The following KCNH5 variants were observed in gnomAD, a reference collection of about 807,000 sequenced individuals.
KCNH5 encodes the protein potassium voltage-gated channel subfamily H member 5.
Under a neutral mutation model 96.1 loss-of-function variants are expected in KCNH5, and 46 were observed. The ratio of observed to expected loss-of-function variants is 0.48; its 90% CI spans 0.38 to 0.61. KCNH5 has a LOEUF of 0.61. Ranked by LOEUF, KCNH5 falls within the 20% of genes least tolerant of loss-of-function variation. The probability of loss-of-function intolerance (pLI) is 0.00; values close to 1 mark genes in which losing one functional copy is unlikely to be tolerated. For synonymous variants in KCNH5, 439 were observed against 449.8 expected (o/e 0.98, Z 0.30); for missense variants, 907 against 1,225.8 (o/e 0.74, Z 3.88).
chr14:62,966,121 T>C (rs1322123781), intron 6 of KCNH5, among the ~76,000 whole-genome samples: 1 of 152,152 alleles, frequency 6.6e-6, no homozygotes, highest in Non-Finnish European at 1.5e-5. Flanking sequence ...AGATGACTGA[T>C]TTTTCCTGAC....
intron 9 of KCNH5, among the ~76,000 whole-genome samples, chr14:62,801,497 CA>C (rs1886659211): frequency 1.5e-5 from 2 of 135,320 alleles, no homozygotes; most frequent in African/African-American, 2.7e-5. Flanking sequence ...GGTCATTTGG[CA>C]ATTTTTTTTT....
chr14:62,949,301 C>T (rs886224610), intron 7 of KCNH5, among the ~76,000 whole-genome samples: 18 of 152,326 alleles, frequency 1.2e-4, no homozygotes, highest in African/African-American at 3.8e-4. Flanking sequence ...TGATAAGCAA[C>T]TTCAGCAAAG....
intron 10 of KCNH5, among the ~76,000 whole-genome samples, chr14:62,770,206 C>T (rs923915254): frequency 1.3e-5 from 2 of 152,204 alleles, no homozygotes; most frequent in South Asian, 4.1e-4. Flanking sequence ...ATCTGCGACA[C>T]ATGTACACCA....
At chr14:62,946,799 C>T (rs963683492) in intron 7 of KCNH5, among the ~76,000 whole-genome samples, 5 of 152,070 alleles carry the variant, frequency 3.3e-5, no homozygotes, top group African/African-American at 1.2e-4. Context: ...GGGCATTATG[C>T]TGAGCGGAGA....
chr14:62,918,808 T>G (rs1027168465), intron 7 of KCNH5, among the ~76,000 whole-genome samples: 8 of 152,112 alleles, frequency 5.3e-5, no homozygotes, highest in Non-Finnish European at 7.4e-5. Context: ...TGACACTATA[T>G]ATCCAATAAA....
chr14:62,926,080 A>G (rs1013994636), intron 7 of KCNH5, among the ~76,000 whole-genome samples: 1 of 152,152 alleles, frequency 6.6e-6, no homozygotes. Context: ...AAGCATTTCA[A>G]AATGTTTCAG....
At chr14:62,838,151 T>A (rs899275187) in intron 8 of KCNH5, among the ~76,000 whole-genome samples, 1 of 152,154 alleles carries the variant, frequency 6.6e-6, no homozygotes, top group Admixed American at 6.6e-5. Flanking sequence ...TTTTCAACCT[T>A]AAAAATCTTG....
intron 6 of KCNH5, among the ~76,000 whole-genome samples, chr14:62,969,718 C>T (rs1890366968): frequency 6.6e-6 from 1 of 151,124 alleles, no homozygotes; most frequent in African/African-American, 2.4e-5. Flanking sequence ...ACAGACCTGC[C>T]TGTCCTGCAC....
At chr14:62,778,557 A>C (rs1886145099) in intron 10 of KCNH5, among the ~76,000 whole-genome samples, 1 of 152,228 alleles carries the variant, frequency 6.6e-6, no homozygotes, top group Non-Finnish European at 1.5e-5. Flanking sequence ...TTCCACATTT[A>C]GTTAATATTT....
intron 10 of KCNH5, among the ~76,000 whole-genome samples, chr14:62,767,994 T>C (rs1294906468): frequency 1.3e-5 from 2 of 152,094 alleles, no homozygotes. Context: ...TTATAACTCG[T>C]AGCTAAGTAA....
intron 8 of KCNH5, among the ~76,000 whole-genome samples, chr14:62,822,385 A>G (rs1336756519): frequency 6.6e-6 from 1 of 152,164 alleles, no homozygotes; most frequent in African/African-American, 2.4e-5. Flanking sequence ...TAGCTATAGT[A>G]ATTAAGACAG....
intron 10 of KCNH5, among the ~76,000 whole-genome samples, chr14:62,711,657 A>G (rs975761852): frequency 6.6e-6 from 1 of 152,196 alleles, no homozygotes; most frequent in Admixed American, 6.5e-5. Context: ...GCGGAAAAAC[A>G]TGCTCTTTAG....
chr14:62,825,889 C>G (rs1236208732), intron 8 of KCNH5, among the ~76,000 whole-genome samples: 2 of 151,958 alleles, frequency 1.3e-5, no homozygotes, highest in African/African-American at 4.8e-5. Flanking sequence ...AGAGAACATG[C>G]TTTCATTTGT....
intron 7 of KCNH5, among the ~76,000 whole-genome samples, chr14:62,880,507 C>A (rs544882915): frequency 1.6e-4 from 25 of 152,284 alleles, no homozygotes; most frequent in Admixed American, 1.1e-3. Context: ...TCATTGAGCA[C>A]ACTGGATATT....
chr14:62,841,259 T>C (rs1887579483), intron 8 of KCNH5, among the ~76,000 whole-genome samples: 1 of 152,198 alleles, frequency 6.6e-6, no homozygotes. Flanking sequence ...GTTTATAAAA[T>C]TCAAATCTGC....
chr14:62,874,643 C>G (rs376832613), intron 7 of KCNH5, among the ~76,000 whole-genome samples: 10,188 of 150,680 alleles, frequency 0.068, 307 homozygotes, highest in African/African-American at 0.15. Context: ...ATTCAACAAC[C>G]TTCATGCTAA....
intron 7 of KCNH5, among the ~76,000 whole-genome samples, chr14:62,859,133 C>T (rs1216705138): frequency 6.6e-6 from 1 of 152,162 alleles, no homozygotes; most frequent in Non-Finnish European, 1.5e-5. Context: ...GTGTCTATTC[C>T]AGTGAGGACA....
intron 7 of KCNH5, among the ~76,000 whole-genome samples, chr14:62,869,350 T>C (rs1888202899): frequency 6.6e-6 from 1 of 152,100 alleles, no homozygotes; most frequent in Non-Finnish European, 1.5e-5. Flanking sequence ...GAAGTGTCTG[T>C]TCATATCCTT....
chr14:62,772,098 TAAC>T (rs969367382), intron 10 of KCNH5, among the ~76,000 whole-genome samples: 3 of 152,208 alleles, frequency 2.0e-5, no homozygotes, highest in Middle Eastern at 3.4e-3. Flanking sequence ...TTTTCAGCCC[TAAC>T]AACAACAACA....
Sources: allele counts gnomAD v4.1 joint callset (sites outside exome capture counted in the v4.1 genomes callset), GRCh38; gene constraint gnomAD v4.1.1; transcripts MANE v1.5; gene names NCBI Gene and HGNC (gene_info 2026-07-23, HGNC 2026-07-21).